The following MCPH1 variants were observed in gnomAD, a reference collection of about 807,000 sequenced individuals.
The protein encoded by MCPH1 is microcephalin 1.
Under a neutral mutation model 84.5 loss-of-function variants are expected in MCPH1, and 104 were observed. The ratio of observed to expected loss-of-function variants is 1.23; its 90% CI spans 1.05 to 1.45. MCPH1 has a LOEUF of 1.45. MCPH1 is among the 40% of genes most tolerant of loss of function. MCPH1 has a pLI of 0.00. For missense variants in MCPH1, 1,498 were observed against 1,005.7 expected (o/e 1.49, Z -6.62); for synonymous variants, 514 against 366.8 (o/e 1.40, Z -4.58).
chr8:6,524,477 C>T lies in MCPH1; in HGVS notation c.2214+24548C>T, dbSNP rs146200794. ...GAGTTATCTGAAGCCTCCTGAGTCA[C>T]TTTGCACTTACTTTCCTAGGAACCG... On this transcript the variant is annotated intron_variant, in intron 12 of 13. Coordinates refer to ENST00000344683, the MANE Select transcript of MCPH1 (RefSeq NM_024596.5). 3.7e-4 allele frequency among the ~76,000 whole-genome samples: 57 copies of T among 152,336 alleles called. No individual in the cohort carries two copies. In the East Asian group the frequency reaches 9.1e-3, roughly 24 times the overall value.
At chr8:6,635,027 C>G (rs1183278928) in intron 13 of MCPH1, 4 of 152,180 alleles carry the variant, frequency 2.6e-5, no homozygotes, top group African/African-American at 9.7e-5. Flanking sequence ...GGCGTGACCT[C>G]TGGCCTACGA....
chr8:6,414,256 C>T (rs1798940031), intron 2 of MCPH1, among the ~76,000 whole-genome samples: 1 of 152,266 alleles, frequency 6.6e-6, no homozygotes. Flanking sequence ...GATCCACCTG[C>T]CTCGGCCTCC....
intron 12 of MCPH1, chr8:6,521,051 G>C (rs907059019): frequency 1.0e-4 from 66 of 658,210 alleles, no homozygotes; most frequent in Non-Finnish European, 1.5e-4. Flanking sequence ...ATTTTAATTG[G>C]TAGATATTTC....
At chr8:6,547,760 T>G (rs1563105944) in intron 12 of MCPH1, among the ~76,000 whole-genome samples, 1 of 151,970 alleles carries the variant, frequency 6.6e-6, no homozygotes, top group Non-Finnish European at 1.5e-5. Context: ...ACTCACTCGG[T>G]GGGAACAAAA....
intron 3 of MCPH1, among the ~76,000 whole-genome samples, chr8:6,425,659 C>T (rs937772341): frequency 1.3e-5 from 2 of 152,218 alleles, no homozygotes; most frequent in Non-Finnish European, 2.9e-5. Flanking sequence ...GTCAGGCACA[C>T]GTTTTCCTGG....
At chr8:6,493,940 AT>A (rs34395353) in intron 11 of MCPH1, among the ~76,000 whole-genome samples, 119,159 of 147,644 alleles carry the variant, frequency 0.81, 50,886 homozygotes, top group Non-Finnish European at 0.96. Flanking sequence ...GAAATAGTAA[AT>A]TTTTTTTTTT....
At chr8:6,518,231 C>T (rs1213316034) in intron 12 of MCPH1, among the ~76,000 whole-genome samples, 1 of 152,162 alleles carries the variant, frequency 6.6e-6, no homozygotes, top group African/African-American at 2.4e-5. Context: ...TCCTCTGTCC[C>T]CCCTCTTGAC....
rs772797157 is a variant in MCPH1 at position 6,643,344 on chromosome 8, A to C, written c.*295A>C. 120 of 404,214 alleles carry C rather than the reference A, an allele frequency of 3.0e-4. 2 individuals are homozygous for C. The highest frequency in any genetic ancestry group is 6.1e-4 in the South Asian group (25 of 40,672). The allele number at this position is 404,214 out of a possible 1,614,324, so 25.0% of individuals were successfully genotyped here. A position where few individuals can be genotyped will look rare whatever the true frequency, so the allele number is the denominator to read the frequency against. On this transcript the variant is annotated 3_prime_UTR_variant, in exon 14 of 14. Transcript: ENST00000344683. Reference sequence around the variant, plus strand: ...CAATGGCACAATCTCGGCTCACTGCAACCTCCACCTCCCAGGTTCAAGCGA... The same window carrying C: ...CAATGGCACAATCTCGGCTCACTGCCACCTCCACCTCCCAGGTTCAAGCGA...
At position 6,439,398 on chromosome 8, in the gene MCPH1, T is replaced by C. The variant is rs142530644; in HGVS notation, c.580+302T>C. Reference sequence around the variant, plus strand: ...AAAAAAAAATGAATCATGTCTTTTTTTTTTTTTCTGAGATGGAGTTTTGCA... The same window carrying C: ...AAAAAAAAATGAATCATGTCTTTTTCTTTTTTTCTGAGATGGAGTTTTGCA... On this transcript the variant is annotated intron_variant, in intron 6 of 13. Coordinates refer to ENST00000344683, the MANE Select transcript of MCPH1 (RefSeq NM_024596.5). Among the ~76,000 whole-genome samples the C allele has an allele frequency of 7.1e-4, 108 of 151,816 alleles. 5 individuals are homozygous for C. In the East Asian group the frequency reaches 0.017, roughly 24 times the overall value.
chr8:6,479,091 C>G (rs148104269), intron 10 of MCPH1, among the ~76,000 whole-genome samples: 3 of 152,104 alleles, frequency 2.0e-5, no homozygotes, highest in Non-Finnish European at 4.4e-5. Context: ...ATAGCAAAAC[C>G]TTGTGTCTAC....
chr8:6,475,697 C>T (rs1808357258), intron 9 of MCPH1, among the ~76,000 whole-genome samples: 2 of 152,210 alleles, frequency 1.3e-5, no homozygotes, highest in Admixed American at 6.5e-5. Context: ...GAGTGGGACC[C>T]ATGGGCCACC....
chr8:6,645,807 T>G lies in MCPH1; in HGVS notation c.*2758T>G, dbSNP rs1017587681. ...CATCTAAAAATAAACAAAATAGGAA[T>G]AGACTTGGCAACAGTTGTAACATCT... On this transcript the variant is annotated 3_prime_UTR_variant, in exon 14 of 14. Coordinates refer to ENST00000344683, the MANE Select transcript of MCPH1 (RefSeq NM_024596.5). The G allele has an allele frequency of 1.3e-5, 2 of 152,120 alleles. No individual in the cohort carries two copies. Among genetic ancestry groups the G allele is most frequent in the African/African-American group, 4.8e-5 (2 of 41,442 alleles). 9.4% of individuals were successfully genotyped at this position (152,120 alleles called of 1,614,324 possible).
intron 3 of MCPH1, among the ~76,000 whole-genome samples, chr8:6,428,159 A>G (rs1801337748): frequency 6.6e-6 from 1 of 151,626 alleles, no homozygotes; most frequent in African/African-American, 2.4e-5. Flanking sequence ...AAATTTTTTT[A>G]CTCTTTTGTA....
At chr8:6,456,725 T>G (rs1805718480) in intron 9 of MCPH1, among the ~76,000 whole-genome samples, 1 of 151,638 alleles carries the variant, frequency 6.6e-6, no homozygotes, top group East Asian at 1.9e-4. Flanking sequence ...ATAAAAATAC[T>G]CCGTCCTGTC....
chr8:6,488,946 G>A (rs1047925478), intron 11 of MCPH1, among the ~76,000 whole-genome samples: 1 of 152,090 alleles, frequency 6.6e-6, no homozygotes, highest in Non-Finnish European at 1.5e-5. Flanking sequence ...AGATCTAGTG[G>A]AATCTGTAAC....
intron 12 of MCPH1, among the ~76,000 whole-genome samples, chr8:6,608,605 T>A (rs917877706): frequency 1.3e-5 from 2 of 152,208 alleles, no homozygotes; most frequent in African/African-American, 4.8e-5. Context: ...TGAGCCTCCG[T>A]GATTCTCATT....
chr8:6,492,704 AAT>A (rs1810765894), intron 11 of MCPH1, among the ~76,000 whole-genome samples: 1 of 146,358 alleles, frequency 6.8e-6, no homozygotes, highest in African/African-American at 2.5e-5. Context: ...TTTTTTTAAA[AAT>A]AAATATTTTA....
intron 12 of MCPH1, among the ~76,000 whole-genome samples, chr8:6,603,518 T>C (rs183776975): frequency 6.6e-6 from 1 of 152,336 alleles, no homozygotes; most frequent in African/African-American, 2.4e-5. Context: ...CGTTTATGCC[T>C]TTATATGAAT....
chr8:6,438,970 C>G lies in MCPH1; in HGVS notation c.454C>G (p.Leu152Val). The G allele has an allele frequency of 6.2e-7, 1 of 1,612,174 alleles. No homozygotes were observed. The change falls in exon 6 of 14, where the codon CTC becomes GTC. Residue 152 changes from leucine to valine, a missense_variant. Transcript: ENST00000344683. ...KTNLDDDVPI[L>V]LFESNGSLIY... Reference sequence around the variant, plus strand: ...ATTTTCAGATGATGATGTACCTATTCTCTTATTTGAATCTAATGGTTCATT... The same window carrying G: ...ATTTTCAGATGATGATGTACCTATTGTCTTATTTGAATCTAATGGTTCATT...
Sources: allele counts gnomAD v4.1 joint callset (sites outside exome capture counted in the v4.1 genomes callset), GRCh38; gene constraint gnomAD v4.1.1; transcripts MANE v1.5; gene names NCBI Gene and HGNC (gene_info 2026-07-23, HGNC 2026-07-21).